PACRG: variants seen among roughly 807,000 people sequenced by gnomAD.
PACRG encodes parkin coregulated gene protein.
In PACRG, 29 loss-of-function variants were observed where a neutral mutation model predicts 29.7. The ratio of observed to expected loss-of-function variants is 0.98; its 90% CI spans 0.73 to 1.33. The LOEUF is 1.33. PACRG is among the 40% of genes most tolerant of loss of function. The pLI is 0.00. For missense variants in PACRG, 279 were observed against 316.2 expected, an observed-to-expected ratio of 0.88 and a Z score of 0.89; for synonymous variants, 116 against 118.7, an observed-to-expected ratio of 0.98 and a Z score of 0.15.
At chr6:163,160,483 G>A (rs913019716) in intron 4 of PACRG, among the ~76,000 whole-genome samples, 1 of 152,124 alleles carries the variant, frequency 6.6e-6, no homozygotes, top group Admixed American at 6.5e-5. Flanking sequence ...TAAGATAATG[G>A]AGGTTTTGAC....
intron 4 of PACRG, among the ~76,000 whole-genome samples, chr6:163,297,805 A>C (rs73603731): frequency 2.4e-3 from 372 of 152,290 alleles, no homozygotes; most frequent in African/African-American, 8.3e-3. Context: ...GACCCCTCAC[A>C]GCCACCTGAT....
At chr6:162,741,112 A>C (rs1161940952) in intron 1 of PACRG, among the ~76,000 whole-genome samples, 3 of 152,210 alleles carry the variant, frequency 2.0e-5, no homozygotes, top group African/African-American at 7.2e-5. Flanking sequence ...TTTAGCTTAA[A>C]AAAACAAGCA....
At chr6:163,114,365 C>T (rs1815867681) in intron 4 of PACRG, among the ~76,000 whole-genome samples, 1 of 152,106 alleles carries the variant, frequency 6.6e-6, no homozygotes, top group Admixed American at 6.6e-5. Flanking sequence ...AGTCTTATAA[C>T]ATTAGGATAT....
rs189245335 is a variant in PACRG at position 163,059,451 on chromosome 6, T to A, written c.292-2699T>A. ...AGAAAGCAGCAGGATAGAAAAGATG[T>A]GATAAATAAACCAGTTATAGCAATA... On this transcript the variant is annotated intron_variant, in intron 2 of 4. Coordinates refer to ENST00000366888, the MANE Select transcript of PACRG (RefSeq NM_001080379.2). Among the ~76,000 whole-genome samples the A allele has an allele frequency of 4.0e-3, 608 of 152,298 alleles. 2 individuals are homozygous for A. The highest frequency in any genetic ancestry group is 6.8e-3 in the Middle Eastern group (2 of 294).
intron 4 of PACRG, among the ~76,000 whole-genome samples, chr6:163,280,214 G>A (rs774562484): frequency 3.3e-5 from 5 of 152,184 alleles, no homozygotes; most frequent in Non-Finnish European, 7.3e-5. Flanking sequence ...GAGTGAGTCT[G>A]CCACCTCTAG....
chr6:163,051,357 A>G (rs943741129), intron 2 of PACRG: 3 of 151,768 alleles, frequency 2.0e-5, no homozygotes, highest in African/African-American at 7.3e-5. Context: ...GAGCTCATCT[A>G]TATTAGGGGT....
chr6:163,300,443 CAGT>C (rs75253298), intron 4 of PACRG, among the ~76,000 whole-genome samples: 23,699 of 152,146 alleles, frequency 0.16, 2,208 homozygotes, highest in Non-Finnish European at 0.21. Context: ...ATTTTCGCCT[CAGT>C]AGAGAAGCGG....
At position 163,269,762 on chromosome 6, in the gene PACRG, G is replaced by GAGAGAC. The variant is rs796202675; in HGVS notation, c.614-45062_614-45061insGACAGA. 2.3e-4 allele frequency among the ~76,000 whole-genome samples: 12 copies of GAGAGAC among 51,254 alleles called. 1 individual carries two copies. The highest frequency in any genetic ancestry group is 4.9e-4 in the East Asian group (1 of 2,054). The allele number at this position is 51,254 out of a possible 152,430, so 33.6% of individuals were successfully genotyped here. A position where few individuals can be genotyped will look rare whatever the true frequency, so the allele number is the denominator to read the frequency against. ...GGGGAAAAGAAGAAAGAGAGAGAGA[G>GAGAGAC]AGACAGACAGACAGACAGACAGAAA... is the stretch of plus-strand genomic sequence containing the variant. On this transcript the variant is annotated intron_variant, in intron 4 of 4. Coordinates refer to ENST00000366888, the MANE Select transcript of PACRG (RefSeq NM_001080379.2).
intron 4 of PACRG, among the ~76,000 whole-genome samples, chr6:163,169,046 A>G (rs1778947271): frequency 6.6e-6 from 1 of 152,270 alleles, no homozygotes; most frequent in Non-Finnish European, 1.5e-5. Context: ...AGTGGGGTCC[A>G]CATGGTCCTA....
chr6:162,937,533 G>C (rs958823739), intron 2 of PACRG, among the ~76,000 whole-genome samples: 17 of 152,146 alleles, frequency 1.1e-4, no homozygotes, highest in African/African-American at 4.1e-4. Flanking sequence ...CTATGTCTCG[G>C]GTGTTACTTT....
intron 1 of PACRG, among the ~76,000 whole-genome samples, chr6:162,758,296 A>C (rs545934955): frequency 3.3e-5 from 5 of 152,072 alleles, no homozygotes; most frequent in Non-Finnish European, 7.4e-5. Flanking sequence ...GACTCTAGTG[A>C]TATATATATG....
At chr6:162,858,737 G>T (rs1049870538) in intron 2 of PACRG, among the ~76,000 whole-genome samples, 4 of 152,166 alleles carry the variant, frequency 2.6e-5, no homozygotes, top group Admixed American at 2.6e-4. Flanking sequence ...AACTCAGGGA[G>T]ACCTGATTGC....
intron 2 of PACRG, among the ~76,000 whole-genome samples, chr6:162,834,556 A>G (rs1403910503): frequency 6.6e-6 from 1 of 151,468 alleles, no homozygotes; most frequent in Admixed American, 6.6e-5. Flanking sequence ...ACCTGCAAAG[A>G]CCCTGATTCT....
intron 2 of PACRG, among the ~76,000 whole-genome samples, chr6:163,003,659 T>C (rs1804782135): frequency 6.6e-6 from 1 of 152,174 alleles, no homozygotes; most frequent in South Asian, 2.1e-4. Context: ...TTTTTTGGCT[T>C]ATCAACAGCT....
At chr6:162,961,088 C>T (rs368529777) in intron 2 of PACRG, among the ~76,000 whole-genome samples, 15 of 152,186 alleles carry the variant, frequency 9.9e-5, no homozygotes, top group African/African-American at 3.4e-4. Flanking sequence ...ACTCATAGCC[C>T]TGTGAACCTA....
chr6:162,822,048 G>A (rs939759434), intron 2 of PACRG, among the ~76,000 whole-genome samples: 1 of 151,790 alleles, frequency 6.6e-6, no homozygotes, highest in Non-Finnish European at 1.5e-5. Context: ...TTATTTTGTC[G>A]AAACTGTGTT....
chr6:162,975,322 A>T (rs1419760239), intron 2 of PACRG, among the ~76,000 whole-genome samples: 2 of 152,240 alleles, frequency 1.3e-5, no homozygotes, highest in East Asian at 1.9e-4. Context: ...TGGCCCTGAT[A>T]TATGGCAAAT....
intron 2 of PACRG, among the ~76,000 whole-genome samples, chr6:162,944,525 A>C (rs987615949): frequency 6.6e-6 from 1 of 152,210 alleles, no homozygotes; most frequent in Non-Finnish European, 1.5e-5. Context: ...AGTTATTTGA[A>C]AGGAATTCTG....
At chr6:162,870,306 A>G (rs1792691526) in intron 2 of PACRG, among the ~76,000 whole-genome samples, 1 of 152,258 alleles carries the variant, frequency 6.6e-6, no homozygotes, top group Non-Finnish European at 1.5e-5. Context: ...GGATTATTAC[A>G]ATACTCTAAC....
Sources: gnomAD v4.1 joint callset for allele counts (sites outside exome capture counted in the v4.1 genomes callset) on GRCh38, gnomAD v4.1.1 for gene constraint, MANE v1.5 for transcripts, NCBI Gene and HGNC (gene_info 2026-07-23, HGNC 2026-07-21) for gene names.